AKAP19: variants seen among roughly 807,000 people sequenced by gnomAD.
The protein encoded by AKAP19 is small A-kinase anchoring protein.
chr2:190,203,118 C>T, the AKAP19 span: 2 of 167,034 alleles, frequency 1.2e-5, no homozygotes, highest in African/African-American at 4.8e-5. Flanking sequence ...TACTCAGTAT[C>T]ATTGGCCTTT....
the AKAP19 span, among the ~76,000 whole-genome samples, chr2:190,114,479 G>T: frequency 6.6e-6 from 1 of 152,068 alleles, no homozygotes; most frequent in African/African-American, 2.4e-5. Context: ...TTTTTGAGAC[G>T]GAGTCTCGCT....
At chr2:190,008,174 A>G in the AKAP19 span, among the ~76,000 whole-genome samples, 2 of 152,234 alleles carry the variant, frequency 1.3e-5, no homozygotes, top group African/African-American at 2.4e-5. Flanking sequence ...TCAAAACACA[A>G]TAGATGAAAC....
the AKAP19 span, among the ~76,000 whole-genome samples, chr2:190,064,726 G>A: frequency 6.6e-6 from 1 of 152,160 alleles, no homozygotes; most frequent in Non-Finnish European, 1.5e-5. Context: ...AACTAGAACT[G>A]CTTCAGGTCA....
chr2:190,013,008 G>T, the AKAP19 span, among the ~76,000 whole-genome samples: 1 of 152,036 alleles, frequency 6.6e-6, no homozygotes, highest in African/African-American at 2.4e-5. Flanking sequence ...AATTTGGTTT[G>T]CTGTTATTTT....
chr2:189,908,826 T>A, the AKAP19 span, among the ~76,000 whole-genome samples: 28 of 152,308 alleles, frequency 1.8e-4, no homozygotes, highest in Middle Eastern at 3.4e-3. Context: ...GAATGTGTAT[T>A]GTGTTACTAT....
chr2:190,189,113 C>A, the AKAP19 span, among the ~76,000 whole-genome samples: 2 of 152,146 alleles, frequency 1.3e-5, no homozygotes, highest in Non-Finnish European at 1.5e-5. Flanking sequence ...AGGTCTGGGC[C>A]ATCACGTTCT....
At chr2:189,975,857 C>A in the AKAP19 span, among the ~76,000 whole-genome samples, 1 of 152,140 alleles carries the variant, frequency 6.6e-6, no homozygotes, top group Non-Finnish European at 1.5e-5. Context: ...GACTTCTGTA[C>A]ACTGGTTATT....
chr2:189,947,357 A>G, the AKAP19 span, among the ~76,000 whole-genome samples: 1 of 152,190 alleles, frequency 6.6e-6, no homozygotes, highest in Non-Finnish European at 1.5e-5. Flanking sequence ...GGCACTGAAT[A>G]GTTTTCATAC....
the AKAP19 span, chr2:189,923,777 G>C: frequency 1.9e-6 from 3 of 1,613,104 alleles, no homozygotes; most frequent in Non-Finnish European, 2.5e-6. Context: ...ACGTCAGCGT[G>C]TATCAGGAAA....
At chr2:190,057,916 A>G in the AKAP19 span, among the ~76,000 whole-genome samples, 2 of 152,078 alleles carry the variant, frequency 1.3e-5, no homozygotes, top group East Asian at 1.9e-4. Context: ...TGCCTGGCAC[A>G]TAATGGATGT....
chr2:189,941,048 G>C, the AKAP19 span, among the ~76,000 whole-genome samples: 1 of 152,084 alleles, frequency 6.6e-6, no homozygotes, highest in Non-Finnish European at 1.5e-5. Context: ...TAATTCATTG[G>C]GCAATAGACT....
At chr2:190,112,509 T>C in the AKAP19 span, among the ~76,000 whole-genome samples, 1 of 152,220 alleles carries the variant, frequency 6.6e-6, no homozygotes, top group Admixed American at 6.5e-5. Flanking sequence ...AGTGTTTCTA[T>C]TAATATGATT....
At chr2:189,942,033 C>G in the AKAP19 span, among the ~76,000 whole-genome samples, 1 of 152,100 alleles carries the variant, frequency 6.6e-6, no homozygotes, top group Non-Finnish European at 1.5e-5. Context: ...ATAAAATAGA[C>G]TACAAATCAA....
chr2:190,119,106 C>G, the AKAP19 span, among the ~76,000 whole-genome samples: 1 of 152,196 alleles, frequency 6.6e-6, no homozygotes, highest in Admixed American at 6.5e-5. Flanking sequence ...CATGAGTGAA[C>G]TCCCATTCAC....
chr2:190,060,370 G>C, the AKAP19 span: 1 of 1,611,520 alleles, frequency 6.2e-7, no homozygotes, highest in South Asian at 1.1e-5. Context: ...TTATTGTATT[G>C]TATTTTAGAG....
the AKAP19 span, among the ~76,000 whole-genome samples, chr2:190,072,230 T>C: frequency 6.6e-6 from 1 of 151,904 alleles, no homozygotes; most frequent in Non-Finnish European, 1.5e-5. Context: ...AGCATAAAGA[T>C]AGCAAAATAG....
the AKAP19 span, among the ~76,000 whole-genome samples, chr2:190,127,613 A>G: frequency 6.6e-6 from 1 of 152,228 alleles, no homozygotes; most frequent in Non-Finnish European, 1.5e-5. Context: ...TTCAAGTATT[A>G]TATTAGAACA....
chr2:190,042,142 G>T, the AKAP19 span, among the ~76,000 whole-genome samples: 2 of 152,000 alleles, frequency 1.3e-5, 1 homozygote, highest in South Asian at 4.2e-4. Flanking sequence ...GAATCCATTA[G>T]GTCCCAGGCT....
the AKAP19 span, among the ~76,000 whole-genome samples, chr2:189,943,924 T>A: frequency 6.6e-6 from 1 of 152,222 alleles, no homozygotes; most frequent in Non-Finnish European, 1.5e-5. Flanking sequence ...TGCTTATACC[T>A]CCGATTGTAT....
Sources: gnomAD v4.1 joint callset for allele counts (sites outside exome capture counted in the v4.1 genomes callset) on GRCh38, gnomAD v4.1.1 for gene constraint, MANE v1.5 for transcripts, NCBI Gene and HGNC (gene_info 2026-07-23, HGNC 2026-07-21) for gene names.